Variants in COL25A1 observed in about 807,000 individuals in gnomAD.
The protein encoded by COL25A1 is collagen type XXV alpha 1 chain.
In COL25A1, 103 loss-of-function variants were observed where a neutral mutation model predicts 128.4. That is an observed-to-expected ratio of 0.80 (90% CI 0.68 to 0.94). The LOEUF is 0.94. Ranked by LOEUF, COL25A1 falls within the 40% of genes least tolerant of loss-of-function variation. COL25A1 has a pLI of 0.00. For synonymous variants in COL25A1, 279 were observed against 277.2 expected (o/e 1.01, Z -0.06); for missense variants, 745 against 840.0 (o/e 0.89, Z 1.40).
intron 11 of COL25A1, among the ~76,000 whole-genome samples, chr4:108,932,133 T>G (rs1036429525): frequency 2.0e-5 from 3 of 152,172 alleles, no homozygotes; most frequent in African/African-American, 7.2e-5. Context: ...GTGTCTGCCA[T>G]CTGCTGATCA....
At chr4:109,024,520 G>A (rs992198593) in intron 5 of COL25A1, among the ~76,000 whole-genome samples, 7 of 151,978 alleles carry the variant, frequency 4.6e-5, no homozygotes, top group Non-Finnish European at 1.0e-4. Flanking sequence ...GATGAAGAGG[G>A]AGAGAGGAAG....
At chr4:109,019,917 T>A (rs1244106061) in intron 5 of COL25A1, among the ~76,000 whole-genome samples, 1 of 152,216 alleles carries the variant, frequency 6.6e-6, no homozygotes, top group Non-Finnish European at 1.5e-5. Flanking sequence ...TGATTTGGTC[T>A]CCATATCCAA....
At position 109,210,877 on chromosome 4, in the gene COL25A1, G is replaced by C. The variant is rs547675150; in HGVS notation, c.367+89706C>G. 4.5e-4 allele frequency among the ~76,000 whole-genome samples: 68 copies of C among 152,164 alleles called. 1 individual carries two copies. The highest frequency in any genetic ancestry group is 6.8e-3 in the Middle Eastern group (2 of 294). On this transcript the variant is annotated intron_variant, in intron 3 of 37. Transcript: ENST00000399132. Reference sequence around the variant, plus strand: ...AAAATTATTCCCTTTGCAGCAACACGGATGGTGCTGGAGGCCATTATCCTA... The same window carrying C: ...AAAATTATTCCCTTTGCAGCAACACCGATGGTGCTGGAGGCCATTATCCTA...
chr4:109,237,542 T>C, intron 3 of COL25A1, among the ~76,000 whole-genome samples: 1 of 150,760 alleles, frequency 6.6e-6, no homozygotes, highest in East Asian at 1.9e-4. Context: ...GTAAGGGTTA[T>C]TTAAAGCCAA....
At chr4:109,035,662 TC>T (rs1376548178) in intron 5 of COL25A1, among the ~76,000 whole-genome samples, 3 of 152,090 alleles carry the variant, frequency 2.0e-5, no homozygotes. Context: ...GGAAGAGGTT[TC>T]CCAATCCAAA....
chr4:108,913,450 G>T (rs1253896098), intron 13 of COL25A1, among the ~76,000 whole-genome samples: 1 of 151,632 alleles, frequency 6.6e-6, no homozygotes, highest in Non-Finnish European at 1.5e-5. Flanking sequence ...TACAGACGGG[G>T]TTTCCCCATG....
chr4:109,154,528 G>A (rs926713130), intron 3 of COL25A1, among the ~76,000 whole-genome samples: 2 of 152,172 alleles, frequency 1.3e-5, no homozygotes, highest in Non-Finnish European at 2.9e-5. Context: ...GGACTGCATG[G>A]TGTGACTGTT....
intron 8 of COL25A1, among the ~76,000 whole-genome samples, chr4:108,968,479 T>G (rs940461384): frequency 7.4e-6 from 1 of 135,724 alleles, no homozygotes; most frequent in Non-Finnish European, 1.7e-5. Context: ...TATTGGCCAC[T>G]CTTTTTTTTT....
chr4:109,197,925 A>G (rs1776252263), intron 3 of COL25A1, among the ~76,000 whole-genome samples: 1 of 152,142 alleles, frequency 6.6e-6, no homozygotes, highest in Non-Finnish European at 1.5e-5. Context: ...AATAATATAC[A>G]TGCAACTTTA....
intron 5 of COL25A1, among the ~76,000 whole-genome samples, chr4:109,037,036 T>G (rs1476666393): frequency 6.6e-6 from 1 of 152,210 alleles, no homozygotes; most frequent in Non-Finnish European, 1.5e-5. Flanking sequence ...TATGCTTTCA[T>G]GTGTCCTATA....
chr4:108,952,890 G>T (rs75207057), intron 8 of COL25A1, among the ~76,000 whole-genome samples: 6,361 of 120,180 alleles, frequency 0.053, 361 homozygotes, highest in African/African-American at 0.16. Context: ...AAGCATAAGT[G>T]TCCTGCCATT....
At chr4:109,002,758 T>G (rs1183846774) in intron 6 of COL25A1, among the ~76,000 whole-genome samples, 3 of 150,320 alleles carry the variant, frequency 2.0e-5, no homozygotes, top group Non-Finnish European at 4.4e-5. Context: ...AATAAAAATA[T>G]AGATACATTT....
chr4:109,080,473 T>TA (rs1763746101), intron 3 of COL25A1, among the ~76,000 whole-genome samples: 3 of 152,206 alleles, frequency 2.0e-5, no homozygotes, highest in Admixed American at 2.0e-4. Flanking sequence ...GTGATACCCT[T>TA]ACCCAAAGTG....
At chr4:109,170,078 T>C (rs559690114) in intron 3 of COL25A1, among the ~76,000 whole-genome samples, 2 of 152,230 alleles carry the variant, frequency 1.3e-5, no homozygotes, top group South Asian at 4.1e-4. Context: ...AAAAATAATA[T>C]GTCATAGAAC....
chr4:108,862,202 A>T (rs1737317051), intron 22 of COL25A1, among the ~76,000 whole-genome samples: 1 of 152,206 alleles, frequency 6.6e-6, no homozygotes, highest in Non-Finnish European at 1.5e-5. Flanking sequence ...TACAATACAC[A>T]ATTTAAGGAA....
chr4:109,125,588 T>C (rs1768519121), intron 3 of COL25A1, among the ~76,000 whole-genome samples: 1 of 152,192 alleles, frequency 6.6e-6, no homozygotes, highest in African/African-American at 2.4e-5. Context: ...AAATTATTCC[T>C]AAGGTTTCTG....
intron 8 of COL25A1, among the ~76,000 whole-genome samples, chr4:108,961,004 T>C (rs548744328): frequency 2.2e-4 from 34 of 152,280 alleles, no homozygotes; most frequent in African/African-American, 7.9e-4. Context: ...AATAGAAAAA[T>C]ACTTTTTAAA....
chr4:109,031,362 C>T (rs1341725784), intron 5 of COL25A1, among the ~76,000 whole-genome samples: 1 of 151,772 alleles, frequency 6.6e-6, no homozygotes, highest in Admixed American at 6.6e-5. Context: ...GTGATCCGCC[C>T]GCCTCGGCCT....
At chr4:109,029,933 C>G (rs940962565) in intron 5 of COL25A1, among the ~76,000 whole-genome samples, 2 of 152,098 alleles carry the variant, frequency 1.3e-5, no homozygotes, top group Admixed American at 6.5e-5. Flanking sequence ...CAGAGGCATC[C>G]AGGCACCTCA....
Sources: allele counts gnomAD v4.1 joint callset (sites outside exome capture counted in the v4.1 genomes callset), GRCh38; gene constraint gnomAD v4.1.1; transcripts MANE v1.5; gene names NCBI Gene and HGNC (gene_info 2026-07-23, HGNC 2026-07-21).